NEGR1: variants seen among roughly 807,000 people sequenced by gnomAD.
NEGR1 encodes neuronal growth regulator 1.
A neutral mutation model predicts 40.9 loss-of-function variants in NEGR1; 10 were observed. The observed-to-expected ratio is 0.24, with a 90% CI of 0.15 to 0.42. The LOEUF is 0.42. NEGR1 is among the 10% of genes least tolerant of loss of function. The pLI is 1.00. For missense variants in NEGR1, 352 were observed against 438.9 expected (o/e 0.80, Z 1.77); for synonymous variants, 185 against 166.8 (o/e 1.11, Z -0.84).
intron 2 of NEGR1, among the ~76,000 whole-genome samples, chr1:71,920,973 G>T (rs1370951893): frequency 6.6e-6 from 1 of 152,120 alleles, no homozygotes; most frequent in Non-Finnish European, 1.5e-5. Flanking sequence ...GGATGCAACT[G>T]AAATGTTAAT....
At chr1:72,189,180 T>G (rs1652724200) in intron 1 of NEGR1, among the ~76,000 whole-genome samples, 3 of 151,502 alleles carry the variant, frequency 2.0e-5, no homozygotes, top group Non-Finnish European at 4.4e-5. Flanking sequence ...TATTTTCCTT[T>G]TAAATATGTA....
chr1:71,976,399 C>T (rs1646304320), intron 1 of NEGR1, among the ~76,000 whole-genome samples: 1 of 152,142 alleles, frequency 6.6e-6, no homozygotes, highest in African/African-American at 2.4e-5. Context: ...AATTTCAGTG[C>T]TATTGTTTTA....
intron 4 of NEGR1, among the ~76,000 whole-genome samples, chr1:71,656,183 T>C (rs537459731): frequency 8.4e-4 from 128 of 152,262 alleles, no homozygotes; most frequent in African/African-American, 2.9e-3. Flanking sequence ...TAGTTTTAAG[T>C]ATCAGACGCA....
intron 4 of NEGR1, among the ~76,000 whole-genome samples, chr1:71,661,532 C>A (rs763610470): frequency 2.0e-5 from 3 of 152,166 alleles, no homozygotes; most frequent in Non-Finnish European, 4.4e-5. Context: ...GAAATTTTTA[C>A]AATTTACTGG....
At chr1:71,877,306 A>G (rs1660460146) in intron 2 of NEGR1, among the ~76,000 whole-genome samples, 1 of 152,240 alleles carries the variant, frequency 6.6e-6, no homozygotes, top group African/African-American at 2.4e-5. Flanking sequence ...TAGAGTTGCC[A>G]TAACAAAGTT....
In NEGR1 at chr1:72,138,304, A is replaced by G. The variant is rs146848827; in HGVS notation, c.176+144015T>C. 4.8e-3 allele frequency among the ~76,000 whole-genome samples: 731 copies of G among 152,128 alleles called. 3 individuals carry two copies. The highest frequency in any genetic ancestry group is 6.1e-3 in the Non-Finnish European group (412 of 67,960). Reference sequence around the variant, plus strand: ...TCAAAAAGAAGGCAGAAAAAAAGGAAAAGGGAAATAAACAACAAAGAGGAC... The same window carrying G: ...TCAAAAAGAAGGCAGAAAAAAAGGAGAAGGGAAATAAACAACAAAGAGGAC... On this transcript the variant is annotated intron_variant, in intron 1 of 6. Transcript: ENST00000357731.
chr1:71,860,217 A>G (rs888814655), intron 2 of NEGR1, among the ~76,000 whole-genome samples: 44 of 151,548 alleles, frequency 2.9e-4, no homozygotes, highest in African/African-American at 1.0e-3. Context: ...AAAAACAACT[A>G]TTCACAAAGG....
intron 1 of NEGR1, among the ~76,000 whole-genome samples, chr1:72,234,178 C>G (rs928750723): frequency 2.6e-5 from 4 of 152,028 alleles, no homozygotes; most frequent in African/African-American, 9.7e-5. Flanking sequence ...TTGTTCTCCT[C>G]CATGCGTTCA....
chr1:71,578,191 C>T (rs1327462499), intron 6 of NEGR1, among the ~76,000 whole-genome samples: 1 of 152,114 alleles, frequency 6.6e-6, no homozygotes, highest in Non-Finnish European at 1.5e-5. Context: ...GTTAAGCCAT[C>T]TCAGCTCTCT....
chr1:71,946,569 A>ACG (rs1646020941), intron 1 of NEGR1, among the ~76,000 whole-genome samples: 3 of 152,122 alleles, frequency 2.0e-5, no homozygotes, highest in Admixed American at 2.0e-4. Flanking sequence ...TTTAAAATAA[A>ACG]CGCTACGTTG....
At chr1:72,133,020 C>T (rs2100317691) in intron 1 of NEGR1, among the ~76,000 whole-genome samples, 1 of 152,050 alleles carries the variant, frequency 6.6e-6, no homozygotes, top group East Asian at 1.9e-4. Context: ...GACATTGAAA[C>T]AATTCTGGCT....
chr1:71,439,399 C>G (rs1268014762), intron 6 of NEGR1, among the ~76,000 whole-genome samples: 1 of 152,178 alleles, frequency 6.6e-6, no homozygotes, highest in African/African-American at 2.4e-5. Context: ...ATCTGACTCT[C>G]TCACTCAGGC....
intron 1 of NEGR1, among the ~76,000 whole-genome samples, chr1:71,998,517 TA>T (rs1254163616): frequency 1.3e-5 from 2 of 151,770 alleles, no homozygotes; most frequent in Admixed American, 1.3e-4. Flanking sequence ...TAAGGCCAAA[TA>T]AAAGATACCT....
At chr1:71,637,277 C>A (rs1651185710) in intron 4 of NEGR1, among the ~76,000 whole-genome samples, 1 of 151,888 alleles carries the variant, frequency 6.6e-6, no homozygotes, top group African/African-American at 2.4e-5. Flanking sequence ...CATTAAGTAA[C>A]TTATATGTCC....
chr1:72,118,172 A>G (rs966105137), intron 1 of NEGR1, among the ~76,000 whole-genome samples: 6 of 151,848 alleles, frequency 4.0e-5, no homozygotes, highest in Non-Finnish European at 5.9e-5. Flanking sequence ...TGTGGACTTG[A>G]TTAAGGAGAT....
intron 2 of NEGR1, among the ~76,000 whole-genome samples, chr1:71,920,379 G>C (rs946542772): frequency 1.3e-5 from 2 of 152,058 alleles, no homozygotes; most frequent in Admixed American, 6.6e-5. Flanking sequence ...TATACCCTAA[G>C]AGTAACTTTC....
chr1:71,846,205 TC>T (rs1021210136), intron 2 of NEGR1, among the ~76,000 whole-genome samples: 1 of 151,874 alleles, frequency 6.6e-6, no homozygotes, highest in African/African-American at 2.4e-5. Context: ...AAAGCAAGTT[TC>T]CCCCCCAACC....
At chr1:71,501,008 AACATT>A (rs1646995321) in intron 6 of NEGR1, among the ~76,000 whole-genome samples, 1 of 152,120 alleles carries the variant, frequency 6.6e-6, no homozygotes, top group African/African-American at 2.4e-5. Flanking sequence ...GCTAATTTGA[AACATT>A]GTATTGTAAC....
chr1:72,047,750 T>A (rs1366648829), intron 1 of NEGR1, among the ~76,000 whole-genome samples: 1 of 151,498 alleles, frequency 6.6e-6, no homozygotes, highest in Non-Finnish European at 1.5e-5. Flanking sequence ...CTTAAGAAAT[T>A]ATAGTTATTA....
Sources: allele counts gnomAD v4.1 joint callset (sites outside exome capture counted in the v4.1 genomes callset), GRCh38; gene constraint gnomAD v4.1.1; transcripts MANE v1.5; gene names NCBI Gene and HGNC (gene_info 2026-07-23, HGNC 2026-07-21).